The following CEP120 variants were observed in gnomAD, a reference collection of about 807,000 sequenced individuals.
The protein encoded by CEP120 is centrosomal protein of 120 kDa.
In CEP120, 113 loss-of-function variants were observed where a neutral mutation model predicts 126.5. That is an observed-to-expected ratio of 0.89 (90% CI 0.77 to 1.04). The LOEUF (loss-of-function observed/expected upper bound fraction) is 1.04, where lower values mean the gene tolerates loss of function less well. CEP120 is among the 50% of genes least tolerant of loss of function. CEP120 has a pLI of 0.00. For missense variants in CEP120, 1,230 were observed against 1,155.7 expected (o/e 1.06, Z -0.93); for synonymous variants, 400 against 394.3 (o/e 1.01, Z -0.17).
chr5:123,394,533 C>G (rs954032816), intron 5 of CEP120, among the ~76,000 whole-genome samples: 6 of 152,194 alleles, frequency 3.9e-5, no homozygotes, highest in Admixed American at 1.3e-4. Flanking sequence ...TGCTGTGTAG[C>G]CGGTTCCTAA....
intron 9 of CEP120, 93 bp from the exon 10 acceptor site, chr5:123,386,760 A>C: frequency 7.4e-6 from 7 of 943,922 alleles, no homozygotes; most frequent in African/African-American, 1.7e-5. Context: ...GTATAATATG[A>C]ATATTATGAG....
intron 7 of CEP120, chr5:123,390,416 C>T (rs889195770): frequency 2.0e-6 from 1 of 510,192 alleles, no homozygotes; most frequent in African/African-American, 1.9e-5. Context: ...ATAGGTGTCC[C>T]CGGGAATGGT....
chr5:123,390,511 A>G (rs1490938307), intron 7 of CEP120: 5 of 307,636 alleles, frequency 1.6e-5, no homozygotes, highest in Non-Finnish European at 3.2e-5. Flanking sequence ...TCTCTCCTTT[A>G]TTCCACTCCC....
chr5:123,388,183 A>G (rs555533154), intron 9 of CEP120: 6 of 239,068 alleles, frequency 2.5e-5, no homozygotes, highest in Admixed American at 5.5e-5. Context: ...CATGTATTAT[A>G]TTACTTAGAA....
Position 123,399,126 on chromosome 5 carries a change from A to G in CEP120, c.612+10T>C. On this transcript the variant is annotated intron_variant, in intron 5 of 19. Coordinates refer to ENST00000306467, the MANE Select transcript of CEP120 (RefSeq NM_001375405.1). ...TATTCGTAAGTCACCAATCTCATGAAAAGTCTCACCTGTTCCAACTGGGTA... is the reference window on the plus strand; with the variant it reads ...TATTCGTAAGTCACCAATCTCATGAGAAGTCTCACCTGTTCCAACTGGGTA... 2 of 1,568,732 alleles carry G rather than the reference A, an allele frequency of 1.3e-6. No homozygotes were observed. Among genetic ancestry groups the G allele is most frequent in the Non-Finnish European group, 1.7e-6 (2 of 1,151,742 alleles).
At chr5:123,419,400 A>T (rs1344076494) in intron 1 of CEP120, among the ~76,000 whole-genome samples, 7 of 152,152 alleles carry the variant, frequency 4.6e-5, no homozygotes, top group African/African-American at 1.7e-4. Context: ...GCAAAAAATT[A>T]GCCGGGTGTG....
At chr5:123,352,541 T>C (rs992673019) in intron 18 of CEP120, among the ~76,000 whole-genome samples, 2 of 152,056 alleles carry the variant, frequency 1.3e-5, no homozygotes, top group Non-Finnish European at 2.9e-5. Flanking sequence ...CTGGATGCTC[T>C]AAACTGATCT....
Position 123,348,967 on chromosome 5 carries a change from A to AT in CEP120, c.2726+976dup, listed in dbSNP as rs200730791. On this transcript the variant is annotated intron_variant, in intron 19 of 19. Transcript: ENST00000306467. The stretch of plus-strand genomic sequence containing the variant: ...CTGTTTAATCTACCCAGTCTGTGGT[A>AT]TTTTTTTTTAACCAGTCCAAGTTAA... Among the ~76,000 whole-genome samples, 356 of 151,596 alleles carry AT rather than the reference A, an allele frequency of 2.3e-3. 2 individuals are homozygous for AT. Among genetic ancestry groups the AT allele is most frequent in the African/African-American group, 8.1e-3 (336 of 41,366 alleles).
chr5:123,372,382 C>A (rs1232133003), intron 17 of CEP120, among the ~76,000 whole-genome samples: 1 of 152,066 alleles, frequency 6.6e-6, no homozygotes, highest in East Asian at 1.9e-4. Context: ...ACTTCTTTAG[C>A]CTCCTGAAAG....
Position 123,423,371 on chromosome 5 carries a change from A to G in CEP120, c.-373T>C, listed in dbSNP as rs1774855478. The G allele has an allele frequency of 6.3e-6, 2 of 319,908 alleles. No individual in the cohort carries two copies. The highest frequency in any genetic ancestry group is 1.2e-5 in the Non-Finnish European group (2 of 170,792). The allele number at this position is 319,908 out of a possible 1,614,324, so 19.8% of individuals were successfully genotyped here. A position where few individuals can be genotyped will look rare whatever the true frequency, so the allele number is the denominator to read the frequency against. On this transcript the variant is annotated 5_prime_UTR_variant, in exon 1 of 20. Transcript: ENST00000306467. ...GCTTCCGCCTAGCAACCAGGCCCGC[A>G]GGCCCAGTGCCCAGGGGAGGTTGGA...
In CEP120 at chr5:123,362,970, C is replaced by T. The variant is rs184138992; in HGVS notation, c.2580+1526G>A. On this transcript the variant is annotated intron_variant, in intron 18 of 19. Coordinates refer to ENST00000306467, the MANE Select transcript of CEP120 (RefSeq NM_001375405.1). Reference sequence around the variant, plus strand: ...TCCAAAACTGGACCAGACACTGAAGCTTGAGCCCTTGGCATCATCTTTGAC... The same window carrying T: ...TCCAAAACTGGACCAGACACTGAAGTTTGAGCCCTTGGCATCATCTTTGAC... Among the ~76,000 whole-genome samples the T allele has an allele frequency of 5.9e-5, 9 of 151,792 alleles. No homozygotes were observed. In the East Asian group the frequency reaches 1.7e-3, roughly 29 times the overall value.
intron 14 of CEP120, among the ~76,000 whole-genome samples, chr5:123,380,743 T>C (rs1771581654): frequency 6.6e-6 from 1 of 152,102 alleles, no homozygotes; most frequent in Non-Finnish European, 1.5e-5. Flanking sequence ...ACTCATCTTG[T>C]CTTAAAGGCT....
intron 18 of CEP120, among the ~76,000 whole-genome samples, chr5:123,362,601 A>G (rs1770168552): frequency 2.0e-5 from 3 of 151,882 alleles, no homozygotes; most frequent in African/African-American, 7.2e-5. Flanking sequence ...ATAAATTCTG[A>G]AGGGCTCAGT....
chr5:123,423,472 C>T (rs1460355518), upstream of CEP120: 21 of 177,266 alleles, frequency 1.2e-4, no homozygotes, highest in East Asian at 3.2e-4. Context: ...CCCTTTTACG[C>T]TCTGTTCCAG....
intron 10 of CEP120, 140 bp from the exon 11 acceptor site, chr5:123,385,273 G>C: frequency 3.5e-6 from 2 of 571,586 alleles, no homozygotes; most frequent in East Asian, 3.1e-5. Context: ...TTGTTAGACT[G>C]AATGCTAAAT....
intron 4 of CEP120, chr5:123,402,446 G>A: frequency 2.3e-6 from 2 of 888,560 alleles, no homozygotes; most frequent in Non-Finnish European, 3.1e-6. Context: ...TTGAGACAGA[G>A]TCTTGCTCTG....
chr5:123,382,706 A>C, intron 13 of CEP120, 31 bp downstream of exon 13: 1 of 1,589,072 alleles, frequency 6.3e-7, no homozygotes, highest in Non-Finnish European at 8.6e-7. Flanking sequence ...CAGACAAAGC[A>C]GATTTTTTAA....
At chr5:123,405,179 T>C (rs1265337905) in intron 4 of CEP120, among the ~76,000 whole-genome samples, 1 of 152,164 alleles carries the variant, frequency 6.6e-6, no homozygotes, top group Non-Finnish European at 1.5e-5. Context: ...AGAATCACAA[T>C]TTTGGAACAG....
chr5:123,360,620 A>G (rs763239133), intron 18 of CEP120, among the ~76,000 whole-genome samples: 2 of 143,124 alleles, frequency 1.4e-5, no homozygotes, highest in Admixed American at 7.1e-5. Context: ...TATTTGAATA[A>G]AATAGCTAAA....
Sources: allele counts gnomAD v4.1 joint callset (sites outside exome capture counted in the v4.1 genomes callset), GRCh38; gene constraint gnomAD v4.1.1; transcripts MANE v1.5; gene names NCBI Gene and HGNC (gene_info 2026-07-23, HGNC 2026-07-21).